Variants in RIMS2 observed in about 807,000 individuals in gnomAD.
RIMS2 encodes regulating synaptic membrane exocytosis 2, also known as regulating synaptic membrane exocytosis protein 2.
RIMS2 carries 59 observed loss-of-function variants against 174.4 expected under a neutral mutation model. The ratio of observed to expected loss-of-function variants is 0.34; its 90% CI spans 0.27 to 0.42. The LOEUF (loss-of-function observed/expected upper bound fraction) is 0.42. RIMS2 is among the 10% of genes least tolerant of loss of function. RIMS2 has a pLI of 1.00. For missense variants in RIMS2, 1,620 were observed against 1,666.3 expected (o/e 0.97, Z 0.48); for synonymous variants, 606 against 572.5 (o/e 1.06, Z -0.84).
At chr8:103,552,502 G>A (rs1338895010) in intron 1 of RIMS2, among the ~76,000 whole-genome samples, 1 of 152,160 alleles carries the variant, frequency 6.6e-6, no homozygotes, top group Non-Finnish European at 1.5e-5. Context: ...AACGCTAGAA[G>A]AAAACCTAGG....
intron 3 of RIMS2, among the ~76,000 whole-genome samples, chr8:103,785,922 C>G (rs938383274): frequency 1.1e-3 from 168 of 152,246 alleles, no homozygotes; most frequent in African/African-American, 3.6e-3. Context: ...GGTTGGTAAG[C>G]TATTGATTAT....
At chr8:103,978,795 A>C (rs956472065) in intron 16 of RIMS2, among the ~76,000 whole-genome samples, 15 of 152,138 alleles carry the variant, frequency 9.9e-5, no homozygotes, top group Admixed American at 3.9e-4. Context: ...AGACCCCCCC[A>C]AAAAAATTAG....
rs115544764 is a variant in RIMS2, at chr8:104,219,637, C to G, written c.3335-25279C>G. On this transcript the variant is annotated intron_variant, in intron 19 of 23. Transcript: ENST00000504942. ...TGATTTTTATGTTTAATAGTGCAGT[C>G]TTTTATTCAAGGCCGTGTTTTGCTT... Among the ~76,000 whole-genome samples the G allele has an allele frequency of 9.9e-3, 1,505 of 152,074 alleles. 20 individuals are homozygous for G. The highest frequency in any genetic ancestry group is 0.033 in the African/African-American group (1,356 of 41,506).
chr8:103,515,533 C>T (rs1375474406), intron 1 of RIMS2, among the ~76,000 whole-genome samples: 1 of 152,048 alleles, frequency 6.6e-6, no homozygotes, highest in African/African-American at 2.4e-5. Context: ...CAACAGAGAA[C>T]AATATTCTGA....
intron 1 of RIMS2, among the ~76,000 whole-genome samples, chr8:103,683,265 C>G (rs1485443272): frequency 2.0e-5 from 3 of 152,162 alleles, no homozygotes; most frequent in African/African-American, 4.8e-5. Context: ...TGCTTCCACT[C>G]TAACAGAAAA....
intron 3 of RIMS2, among the ~76,000 whole-genome samples, chr8:103,839,834 G>T (rs1593522321): frequency 6.6e-6 from 1 of 152,144 alleles, no homozygotes; most frequent in East Asian, 1.9e-4. Context: ...ATTACTAAAA[G>T]AAGTTTCTAT....
At chr8:103,767,080 T>C (rs1457569713) in intron 3 of RIMS2, among the ~76,000 whole-genome samples, 1 of 152,238 alleles carries the variant, frequency 6.6e-6, no homozygotes, top group African/African-American at 2.4e-5. Context: ...GGCTCCGTAC[T>C]ATGGGCTTCT....
chr8:104,222,570 TA>T (rs2099160443), intron 19 of RIMS2, among the ~76,000 whole-genome samples: 1 of 152,168 alleles, frequency 6.6e-6, no homozygotes, highest in African/African-American at 2.4e-5. Context: ...TTACAAAAAG[TA>T]AGGCAGTCAT....
intron 14 of RIMS2, among the ~76,000 whole-genome samples, chr8:103,945,891 A>T (rs1277705716): frequency 1.3e-5 from 2 of 152,182 alleles, no homozygotes; most frequent in Admixed American, 1.3e-4. Flanking sequence ...ATTTCATGGT[A>T]ATAAATGCTT....
At chr8:103,755,410 G>A (rs144407996) in intron 2 of RIMS2, among the ~76,000 whole-genome samples, 1,695 of 152,010 alleles carry the variant, frequency 0.011, 45 homozygotes, top group African/African-American at 0.039. Context: ...ATGTGTCTTG[G>A]GGTTGCTCTT....
At chr8:103,786,959 A>T (rs892142913) in intron 3 of RIMS2, among the ~76,000 whole-genome samples, 6 of 151,528 alleles carry the variant, frequency 4.0e-5, no homozygotes, top group African/African-American at 1.5e-4. Flanking sequence ...GTGCTCCTAT[A>T]TTGGGTGCAT....
intron 3 of RIMS2, among the ~76,000 whole-genome samples, chr8:103,778,074 G>A (rs1432391427): frequency 2.0e-5 from 3 of 151,792 alleles, no homozygotes; most frequent in Admixed American, 6.6e-5. Flanking sequence ...TTTCTTCATA[G>A]GTTAGAAGTA....
intron 1 of RIMS2, among the ~76,000 whole-genome samples, chr8:103,633,039 T>A (rs1197601971): frequency 6.6e-6 from 1 of 150,812 alleles, no homozygotes; most frequent in African/African-American, 2.4e-5. Flanking sequence ...GGCCTTTTTT[T>A]TTTTTGAGAT....
At chr8:103,814,926 A>G (rs965827520) in intron 3 of RIMS2, among the ~76,000 whole-genome samples, 2 of 152,142 alleles carry the variant, frequency 1.3e-5, no homozygotes, top group Admixed American at 6.6e-5. Flanking sequence ...AAAACTAATA[A>G]TCTACTATTT....
At chr8:103,663,758 T>G (rs4301418) in intron 1 of RIMS2, among the ~76,000 whole-genome samples, 18,890 of 152,206 alleles carry the variant, frequency 0.12, 1,276 homozygotes, top group Middle Eastern at 0.22. Context: ...CCACTGACTT[T>G]CTTCACAGAA....
chr8:104,216,041 CA>C (rs1272901247), intron 19 of RIMS2, among the ~76,000 whole-genome samples: 2 of 152,042 alleles, frequency 1.3e-5, no homozygotes, highest in Non-Finnish European at 2.9e-5. Flanking sequence ...CATGGGTGGC[CA>C]AATAGCAATG....
chr8:103,815,264 GT>G, intron 3 of RIMS2, among the ~76,000 whole-genome samples: 1 of 152,158 alleles, frequency 6.6e-6, no homozygotes, highest in African/African-American at 2.4e-5. Context: ...GAGACTGTGC[GT>G]TTTTTGATCC....
downstream of RIMS2, chr8:104,252,925 CCT>C (rs1300575097): frequency 1.3e-5 from 2 of 152,148 alleles, no homozygotes; most frequent in African/African-American, 4.8e-5. Context: ...TTGATCTGAT[CCT>C]CTCTCATACC....
intron 19 of RIMS2, among the ~76,000 whole-genome samples, chr8:104,190,158 T>G (rs2098990248): frequency 6.6e-6 from 1 of 151,926 alleles, no homozygotes; most frequent in Non-Finnish European, 1.5e-5. Flanking sequence ...GAACATTAGC[T>G]GGATGTGGTG....
Sources: allele counts gnomAD v4.1 joint callset (sites outside exome capture counted in the v4.1 genomes callset), GRCh38; gene constraint gnomAD v4.1.1; transcripts MANE v1.5; gene names NCBI Gene and HGNC (gene_info 2026-07-23, HGNC 2026-07-21).